Variants in AGAP1 observed in about 807,000 individuals in gnomAD.
AGAP1 encodes the protein arf-GAP with GTPase, ANK repeat and PH domain-containing protein 1.
A neutral mutation model predicts 105.3 loss-of-function variants in AGAP1; 29 were observed. That is an observed-to-expected ratio of 0.28 (90% confidence interval 0.21 to 0.38). The LOEUF is 0.38. AGAP1 is among the 10% of genes least tolerant of loss of function. AGAP1 has a pLI of 1.00. For synonymous variants in AGAP1, 509 were observed against 485.9 expected (o/e 1.05, Z -0.63); for missense variants, 998 against 1,165.1 (o/e 0.86, Z 2.09).
At chr2:236,018,517 C>A (rs2056784374) in intron 13 of AGAP1, among the ~76,000 whole-genome samples, 1 of 152,308 alleles carries the variant, frequency 6.6e-6, no homozygotes. Context: ...CATTATCATC[C>A]GCTGTGAGTT....
chr2:236,114,559 G>A lies in AGAP1; in HGVS notation c.2115-5633G>A, dbSNP rs2059724282. Among the ~76,000 whole-genome samples the A allele has an allele frequency of 2.0e-5, 3 of 152,268 alleles. No individual in the cohort carries two copies. Among genetic ancestry groups the A allele is most frequent in the Middle Eastern group, 3.4e-3 (1 of 294 alleles). On this transcript the variant is annotated intron_variant, in intron 16 of 17. Transcript: ENST00000304032. The surrounding 1 kb of genome is among the most constrained non-coding windows in gnomAD (Gnocchi z 5.0). The stretch of plus-strand genomic sequence containing the variant: ...CTGGAAGTCTGGAGTCAGGGTGCCC[G>A]CAGGGTTGGTTCTGGTGAGACCTCT...
At chr2:235,916,531 C>A (rs80247614) in intron 11 of AGAP1, among the ~76,000 whole-genome samples, 9 of 152,178 alleles carry the variant, frequency 5.9e-5, no homozygotes, top group Non-Finnish European at 1.5e-5. Context: ...AACATAATGT[C>A]CAAGAGCAAG....
chr2:235,745,291 A>T (rs1232953889), intron 5 of AGAP1, among the ~76,000 whole-genome samples: 1 of 152,156 alleles, frequency 6.6e-6, no homozygotes, highest in Admixed American at 6.5e-5. Flanking sequence ...CTGTTTATTA[A>T]GTTCTGTTTG....
At chr2:235,536,453 T>G (rs1298861909) in intron 1 of AGAP1, among the ~76,000 whole-genome samples, 1 of 79,344 alleles carries the variant, frequency 1.3e-5, no homozygotes, top group African/African-American at 6.2e-5. Context: ...ACCCTGGGGT[T>G]TGTTTGTGGC....
In AGAP1 at chr2:235,494,057, C is replaced by T. The variant is rs1461868171; in HGVS notation, c.-630C>T. 2 of 146,044 alleles carry T rather than the reference C, an allele frequency of 1.4e-5. No individual in the cohort carries two copies. The highest frequency in any genetic ancestry group is 3.1e-5 in the Non-Finnish European group (2 of 65,444). 9.0% of individuals were successfully genotyped at this position (146,044 alleles called of 1,614,324 possible). ...CGACGTGGGCCGGAGCCCTGCGTGC[C>T]AGGGAGGGGGCCGGCCGGGCAGGCG... On this transcript the variant is annotated 5_prime_UTR_variant, in exon 1 of 18. Transcript: ENST00000304032.
chr2:235,978,680 G>A (rs535768064), intron 13 of AGAP1, among the ~76,000 whole-genome samples: 1 of 152,280 alleles, frequency 6.6e-6, no homozygotes, highest in African/African-American at 2.4e-5. Context: ...GGGTTGGAGT[G>A]GGAGGAGAGC....
intron 1 of AGAP1, chr2:235,670,683 TG>T: frequency 1.4e-6 from 1 of 695,170 alleles, no homozygotes; most frequent in Admixed American, 2.1e-5. Flanking sequence ...GGGACCACCC[TG>T]GAGCCCGCGA....
chr2:235,804,297 TA>T (rs1231755354), intron 8 of AGAP1, among the ~76,000 whole-genome samples: 5 of 152,208 alleles, frequency 3.3e-5, no homozygotes, highest in Non-Finnish European at 1.5e-5. Context: ...ATTTATGTGA[TA>T]TTTTTAAAAA....
intron 1 of AGAP1, among the ~76,000 whole-genome samples, chr2:235,575,772 G>A (rs139211144): frequency 3.3e-5 from 5 of 152,274 alleles, no homozygotes; most frequent in Non-Finnish European, 5.9e-5. Flanking sequence ...TTCTTTTCAA[G>A]TAAATGGAGA....
rs1275798951 is a variant in AGAP1 at position 235,901,896 on chromosome 2, T to C, written c.1156-6842T>C. ...TCCGTCTCGGAAAAAAAAAAAAAAA[T>C]TATGGAGGGACCCCAAAGAGCTTTT... On this transcript the variant is annotated intron_variant, in intron 10 of 17. Transcript: ENST00000304032. This position sits in a 1 kb window ranked among gnomAD's most constrained non-coding sequence, Gnocchi z 4.3. 1.3e-5 allele frequency among the ~76,000 whole-genome samples: 2 copies of C among 150,144 alleles called. No homozygotes were observed. Among genetic ancestry groups the C allele is most frequent in the African/African-American group, 4.9e-5 (2 of 40,584 alleles).
At chr2:235,859,233 T>C (rs2048812740) in intron 9 of AGAP1, among the ~76,000 whole-genome samples, 1 of 152,128 alleles carries the variant, frequency 6.6e-6, no homozygotes. Context: ...TTGTTTCTTT[T>C]GTTAACTCCC....
In AGAP1 at chr2:235,625,711, T is replaced by C. The variant is rs1946616553; in HGVS notation, c.164-83468T>C. On this transcript the variant is annotated intron_variant, in intron 1 of 17. Transcript: ENST00000304032. This position sits in a 1 kb window ranked among gnomAD's most constrained non-coding sequence, Gnocchi z 4.0. ...ATATTCAGCTGGGGGAAAATAGTCG[T>C]CTGAAATATATTATGGTTTGTTTGT... Among the ~76,000 whole-genome samples the C allele has an allele frequency of 6.6e-6, 1 of 152,210 alleles. No homozygotes were observed. Among genetic ancestry groups the C allele is most frequent in the African/African-American group, 2.4e-5 (1 of 41,456 alleles).
chr2:235,932,192 G>A (rs1312612025), intron 12 of AGAP1, among the ~76,000 whole-genome samples: 1 of 152,210 alleles, frequency 6.6e-6, no homozygotes, highest in Non-Finnish European at 1.5e-5. Context: ...CATCAGCCCT[G>A]TGTGTGCTGC....
chr2:236,004,630 A>T (rs2056254589), intron 13 of AGAP1, among the ~76,000 whole-genome samples: 1 of 152,252 alleles, frequency 6.6e-6, no homozygotes, highest in African/African-American at 2.4e-5. Flanking sequence ...GCATTGGTAA[A>T]TTATTGCCTC....
intron 9 of AGAP1, among the ~76,000 whole-genome samples, chr2:235,849,653 GGAT>G (rs199951843): frequency 0.47 from 71,254 of 151,786 alleles, 19,041 homozygotes; most frequent in East Asian, 0.79. Flanking sequence ...TGCTAGGCCT[GGAT>G]AAGGGTTGCC....
intron 16 of AGAP1, among the ~76,000 whole-genome samples, chr2:236,052,561 G>A (rs1225773797): frequency 2.0e-5 from 3 of 152,198 alleles, no homozygotes; most frequent in East Asian, 3.8e-4. Flanking sequence ...AACTTGAGCA[G>A]CATCATGATC....
Position 235,556,778 on chromosome 2 carries a change from G to A in AGAP1, c.163+61929G>A, listed in dbSNP as rs1027869186. Among the ~76,000 whole-genome samples, 2 of 152,192 alleles carry A rather than the reference G, an allele frequency of 1.3e-5. No individual in the cohort carries two copies. The highest frequency in any genetic ancestry group is 4.8e-5 in the African/African-American group (2 of 41,454). ...CTGTAAGATCGTGAATCTGAAAGTCGTTGCTTATTGTATATTTGAGAAGTG... is the reference window on the plus strand; with the variant it reads ...CTGTAAGATCGTGAATCTGAAAGTCATTGCTTATTGTATATTTGAGAAGTG... On this transcript the variant is annotated intron_variant, in intron 1 of 17. Transcript: ENST00000304032. The surrounding 1 kb of genome is among the most constrained non-coding windows in gnomAD (Gnocchi z 5.3).
At position 236,076,688 on chromosome 2, in the gene AGAP1, A is replaced by T. The variant is rs956137529; in HGVS notation, c.2114+27407A>T. 1.3e-5 allele frequency among the ~76,000 whole-genome samples: 2 copies of T among 151,138 alleles called. No individual in the cohort carries two copies. Among genetic ancestry groups the T allele is most frequent in the African/African-American group, 4.9e-5 (2 of 40,454 alleles). On this transcript the variant is annotated intron_variant, in intron 16 of 17. Coordinates refer to ENST00000304032, the MANE Select transcript of AGAP1 (RefSeq NM_001037131.3). The surrounding 1 kb of genome is among the most constrained non-coding windows in gnomAD (Gnocchi z 4.4). Reference sequence around the variant, plus strand: ...CAGAGGCTTCTTTGTGGCACTTAATAATTTCCCAAACCACTAAAGAGGGAA... The same window carrying T: ...CAGAGGCTTCTTTGTGGCACTTAATTATTTCCCAAACCACTAAAGAGGGAA...
chr2:235,619,307 A>G (rs902346557), intron 1 of AGAP1, among the ~76,000 whole-genome samples: 7 of 152,164 alleles, frequency 4.6e-5, no homozygotes, highest in Non-Finnish European at 7.3e-5. Context: ...GCCCGAGTTC[A>G]CATCATGAAG....
Sources: gnomAD v4.1 joint callset for allele counts (sites outside exome capture counted in the v4.1 genomes callset) on GRCh38, gnomAD v4.1.1 for gene constraint, Gnocchi (gnomAD v3.1) non-coding constraint, MANE v1.5 for transcripts, NCBI Gene and HGNC (gene_info 2026-07-23, HGNC 2026-07-21) for gene names.